The following NPFFR2 variants were observed in gnomAD, a reference collection of about 807,000 sequenced individuals.
NPFFR2 encodes G-protein coupled receptor 74.
NPFFR2 carries 15 observed loss-of-function variants against 13.1 expected under a neutral mutation model. The ratio of observed to expected loss-of-function variants is 1.15; its 90% CI spans 0.77 to 1.76. NPFFR2 has a LOEUF of 1.76. NPFFR2 is among the 40% of genes most tolerant of loss of function. The probability of loss-of-function intolerance (pLI) is 0.00; values close to 1 mark genes in which losing one functional copy is unlikely to be tolerated. For missense variants in NPFFR2, 572 were observed against 503.5 expected, an observed-to-expected ratio of 1.14 and a Z score of -1.30; for synonymous variants, 190 against 175.7, an observed-to-expected ratio of 1.08 and a Z score of -0.65.
At chr4:72,100,440 A>G (rs1050712031) in intron 1 of NPFFR2, among the ~76,000 whole-genome samples, 2 of 152,100 alleles carry the variant, frequency 1.3e-5, no homozygotes, top group Non-Finnish European at 2.9e-5. Flanking sequence ...TGCTGTGATT[A>G]GATGAAATTA....
chr4:72,111,479 G>C (rs1721564800), intron 1 of NPFFR2, among the ~76,000 whole-genome samples: 1 of 151,964 alleles, frequency 6.6e-6, no homozygotes, highest in Admixed American at 6.6e-5. Flanking sequence ...ACTACTTGTT[G>C]AATGCTTGAT....
intron 1 of NPFFR2, among the ~76,000 whole-genome samples, chr4:72,090,651 T>A (rs1040160474): frequency 6.6e-6 from 1 of 152,248 alleles, no homozygotes; most frequent in Non-Finnish European, 1.5e-5. Context: ...TGTTTAGCAG[T>A]GCTACTGATT....
chr4:72,053,701 T>C (rs1466828431), intron 1 of NPFFR2, among the ~76,000 whole-genome samples: 1 of 151,908 alleles, frequency 6.6e-6, no homozygotes, highest in Non-Finnish European at 1.5e-5. Context: ...CAGGATTTTC[T>C]ATGTACACAA....
chr4:72,045,839 A>C (rs1719363690), intron 1 of NPFFR2, among the ~76,000 whole-genome samples: 1 of 152,168 alleles, frequency 6.6e-6, no homozygotes, highest in South Asian at 2.1e-4. Flanking sequence ...AAAAATCCTA[A>C]GTTGACCCTT....
chr4:72,037,872 C>T (rs954658647), intron 1 of NPFFR2, among the ~76,000 whole-genome samples: 1 of 152,192 alleles, frequency 6.6e-6, no homozygotes, highest in Non-Finnish European at 1.5e-5. Context: ...CTTCCCTTAA[C>T]ACAGAAGTAT....
intron 1 of NPFFR2, among the ~76,000 whole-genome samples, chr4:72,103,082 T>C (rs1394945097): frequency 6.6e-6 from 1 of 152,176 alleles, no homozygotes; most frequent in African/African-American, 2.4e-5. Flanking sequence ...TGTGAGATGA[T>C]ATCTCATTGT....
chr4:72,048,979 T>C (rs1251337754), intron 1 of NPFFR2, among the ~76,000 whole-genome samples: 1 of 152,070 alleles, frequency 6.6e-6, no homozygotes, highest in Non-Finnish European at 1.5e-5. Flanking sequence ...TTGAAGATCT[T>C]GTGAAAGAAG....
chr4:72,051,113 T>C (rs1056877204), intron 1 of NPFFR2, among the ~76,000 whole-genome samples: 6 of 151,994 alleles, frequency 3.9e-5, no homozygotes, highest in Non-Finnish European at 8.8e-5. Context: ...TTTATAGTCC[T>C]CTGGGTATAT....
intron 1 of NPFFR2, among the ~76,000 whole-genome samples, chr4:72,080,016 C>G (rs752741267): frequency 2.0e-5 from 3 of 152,264 alleles, no homozygotes; most frequent in Admixed American, 6.5e-5. Context: ...CACACTCTAG[C>G]TCTTTGATAT....
At position 72,147,969 on chromosome 4, in the gene NPFFR2, G is replaced by A. The variant is rs1722843464; in HGVS notation, c.*157G>A. The A allele has an allele frequency of 1.8e-6, 1 of 563,348 alleles. No individual in the cohort carries two copies. The highest frequency in any genetic ancestry group is 3.0e-6 in the Non-Finnish European group (1 of 330,480). 34.9% of individuals were successfully genotyped at this position (563,348 alleles called of 1,614,324 possible). On this transcript the variant is annotated 3_prime_UTR_variant, in exon 4 of 4. Coordinates refer to ENST00000308744, the MANE Select transcript of NPFFR2 (RefSeq NM_004885.3). ...AAAAAATTAAAAATAAACAAAAATGGTCATAAGATCATAAACAATCTTATG... is the reference window on the plus strand; with the variant it reads ...AAAAAATTAAAAATAAACAAAAATGATCATAAGATCATAAACAATCTTATG...
chr4:72,071,408 A>T (rs1249506747), intron 1 of NPFFR2, among the ~76,000 whole-genome samples: 3 of 152,120 alleles, frequency 2.0e-5, no homozygotes, highest in Non-Finnish European at 4.4e-5. Flanking sequence ...CAAATAGAAG[A>T]TAGTACAGAG....
intron 1 of NPFFR2, among the ~76,000 whole-genome samples, chr4:72,055,860 T>C (rs1295235067): frequency 6.6e-6 from 1 of 151,972 alleles, no homozygotes; most frequent in African/African-American, 2.4e-5. Flanking sequence ...TGGAGTCTAA[T>C]CCAGAGCAAG....
In NPFFR2 at chr4:72,070,502, T is replaced by C. The variant is rs28455105; in HGVS notation, c.-8+38302T>C. Among the ~76,000 whole-genome samples, 1,106 of 149,260 alleles carry C rather than the reference T, an allele frequency of 7.4e-3. 6 individuals carry two copies. Among genetic ancestry groups the C allele is most frequent in the African/African-American group, 0.016 (622 of 39,934 alleles). On this transcript the variant is annotated intron_variant, in intron 1 of 3. Transcript: ENST00000308744. ...AATACGGGTGGCATCAGTCCAAAGTTGGACAGGCAGTTGCTGGGCAGATAT... is the reference window on the plus strand; with the variant it reads ...AATACGGGTGGCATCAGTCCAAAGTCGGACAGGCAGTTGCTGGGCAGATAT...
At chr4:72,042,188 C>A (rs1275399877) in intron 1 of NPFFR2, among the ~76,000 whole-genome samples, 1 of 152,186 alleles carries the variant, frequency 6.6e-6, no homozygotes, top group Admixed American at 6.5e-5. Context: ...TTATAAGGGG[C>A]TTTTCCCCCT....
At chr4:72,116,457 A>G (rs1221585976) in intron 1 of NPFFR2, among the ~76,000 whole-genome samples, 1 of 151,868 alleles carries the variant, frequency 6.6e-6, no homozygotes, top group African/African-American at 2.4e-5. Flanking sequence ...AAAACTACCT[A>G]TTGTGTACTA....
At chr4:72,051,026 G>A (rs972496155) in intron 1 of NPFFR2, among the ~76,000 whole-genome samples, 2 of 151,862 alleles carry the variant, frequency 1.3e-5, no homozygotes, top group Non-Finnish European at 2.9e-5. Context: ...TGTACATTTG[G>A]GTTGGTTCCA....
In NPFFR2 at chr4:72,147,590, T is replaced by A; in HGVS notation, c.1041T>A (p.Ala347=). 6.2e-7 allele frequency: 1 copy of A among 1,614,194 alleles called. No homozygotes were observed. The highest frequency in any genetic ancestry group is 8.5e-7 in the Non-Finnish European group (1 of 1,180,036). ...NENFRRGFQE[A]FQLQLCQKRA... ...ATTTCCGCCGTGGTTTCCAAGAAGC[T>A]TTCCAGCTCCAGCTCTGCCAAAAAA... Residue 347 remains alanine, a synonymous_variant, in exon 4 of 4, where the codon GCT becomes GCA. Coordinates refer to ENST00000308744, the MANE Select transcript of NPFFR2 (RefSeq NM_004885.3).
At chr4:72,094,513 C>G (rs28563792) in intron 1 of NPFFR2, among the ~76,000 whole-genome samples, 1 of 152,140 alleles carries the variant, frequency 6.6e-6, no homozygotes, top group African/African-American at 2.4e-5. Context: ...TTGAGTGGGG[C>G]TTGCTGCAGC....
intron 1 of NPFFR2, among the ~76,000 whole-genome samples, chr4:72,104,953 A>G (rs1721376738): frequency 6.6e-6 from 1 of 150,448 alleles, no homozygotes; most frequent in Non-Finnish European, 1.5e-5. Context: ...ATGTACATAA[A>G]GAATTGTAAA....
Sources: allele counts gnomAD v4.1 joint callset (sites outside exome capture counted in the v4.1 genomes callset), GRCh38; gene constraint gnomAD v4.1.1; transcripts MANE v1.5; gene names NCBI Gene and HGNC (gene_info 2026-07-23, HGNC 2026-07-21).